Variants in ARL13B observed in about 807,000 individuals in gnomAD.
ARL13B encodes ADP-ribosylation factor-like protein 13B.
A neutral mutation model predicts 56.1 loss-of-function variants in ARL13B; 36 were observed. The observed-to-expected ratio is 0.64, with a 90% CI of 0.49 to 0.85. ARL13B has a LOEUF of 0.85. Ranked by LOEUF, ARL13B falls within the 40% of genes least tolerant of loss-of-function variation. The pLI is 0.00. For missense variants in ARL13B, 519 were observed against 507.1 expected (o/e 1.02, Z -0.23); for synonymous variants, 178 against 171.1 (o/e 1.04, Z -0.32).
intron 8 of ARL13B, 29 bp from the exon 9 acceptor site, chr3:94,050,795 G>T: frequency 6.3e-7 from 1 of 1,599,542 alleles, no homozygotes. Context: ...GTTTAACAGT[G>T]TTTTTTAAAT....
At chr3:93,994,271 A>G (rs2075926981) in intron 1 of ARL13B, among the ~76,000 whole-genome samples, 1 of 152,026 alleles carries the variant, frequency 6.6e-6, no homozygotes, top group Non-Finnish European at 1.5e-5. Flanking sequence ...GTGTCTTTGC[A>G]GCAGCTGTTC....
chr3:94,028,320 C>T (rs1051277098), intron 3 of ARL13B: 14 of 152,158 alleles, frequency 9.2e-5, no homozygotes, highest in African/African-American at 3.4e-4. Flanking sequence ...AGATGTCAGT[C>T]TATGGATACC....
chr3:94,004,474 A>T (rs1163624149), intron 3 of ARL13B, among the ~76,000 whole-genome samples: 2 of 152,160 alleles, frequency 1.3e-5, no homozygotes, highest in African/African-American at 4.8e-5. Flanking sequence ...ACCAGCCCTC[A>T]TAGCATTTAT....
chr3:94,047,373 C>T (rs967521584), intron 7 of ARL13B, among the ~76,000 whole-genome samples: 1 of 152,068 alleles, frequency 6.6e-6, no homozygotes, highest in Non-Finnish European at 1.5e-5. Flanking sequence ...GGAAGTAGAC[C>T]TATTACAGTG....
At chr3:93,988,952 C>T (rs1559966777) in intron 1 of ARL13B, 3 of 293,608 alleles carry the variant, frequency 1.0e-5, no homozygotes, top group East Asian at 1.0e-4. Flanking sequence ...GGCATCTTGG[C>T]GGCAGGAGGG....
chr3:94,055,157 T>A lies in ARL13B; in HGVS notation c.*1894T>A, dbSNP rs1392033128. 2 of 368,684 alleles carry A rather than the reference T, an allele frequency of 5.4e-6. No individual in the cohort carries two copies. The highest frequency in any genetic ancestry group is 2.1e-5 in the African/African-American group (1 of 46,564). The allele number at this position is 368,684 out of a possible 1,614,324, so 22.8% of individuals were successfully genotyped here. A position where few individuals can be genotyped will look rare whatever the true frequency, so the allele number is the denominator to read the frequency against. On this transcript the variant is annotated 3_prime_UTR_variant, in exon 10 of 10. Coordinates refer to ENST00000394222, the MANE Select transcript of ARL13B (RefSeq NM_001174150.2). Reference sequence around the variant, plus strand: ...TTCCTTAAGCATTTTAAAAACATTTTAAAAAATGTTTTGTAAATCCAGGTG... The same window carrying A: ...TTCCTTAAGCATTTTAAAAACATTTAAAAAAATGTTTTGTAAATCCAGGTG...
In ARL13B at chr3:94,025,513, A is replaced by G. The variant is rs568724866; in HGVS notation, c.381-9818A>G. ...AGGTTATTTCTAGTTTCTTAGGAGT[A>G]AATTCCTATGTTTGCTGTGGCCACG... On this transcript the variant is annotated intron_variant, in intron 3 of 9. Transcript: ENST00000394222. Among the ~76,000 whole-genome samples the G allele has an allele frequency of 3.9e-5, 6 of 152,338 alleles. No homozygotes were observed. The South Asian group carries it at 1.2e-3, about 32-fold the overall frequency.
Position 94,000,581 on chromosome 3 carries a change from C to G in ARL13B, c.131-3078C>G, listed in dbSNP as rs144541214. On this transcript the variant is annotated intron_variant, in intron 2 of 9. Transcript: ENST00000394222. ...AAAAAACAAAAAAATTATAGTTACT[C>G]ATATATATATTTATGTTTCATATGT... 5.0e-3 allele frequency among the ~76,000 whole-genome samples: 756 copies of G among 151,114 alleles called. 6 individuals are homozygous for G. Among genetic ancestry groups the G allele is most frequent in the African/African-American group, 0.018 (722 of 41,246 alleles).
chr3:93,982,924 A>G (rs1233538501), intron 1 of ARL13B, among the ~76,000 whole-genome samples: 1 of 152,106 alleles, frequency 6.6e-6, no homozygotes, highest in Admixed American at 6.5e-5. Context: ...TAAAAACAAA[A>G]TTTTGTGCTT....
chr3:94,045,503 A>G (rs1407504970), intron 7 of ARL13B, among the ~76,000 whole-genome samples: 1 of 151,870 alleles, frequency 6.6e-6, no homozygotes, highest in Non-Finnish European at 1.5e-5. Flanking sequence ...AGAGCCCCCA[A>G]CTGATCTGTA....
intron 3 of ARL13B, among the ~76,000 whole-genome samples, chr3:94,005,876 G>A (rs938993006): frequency 2.0e-5 from 3 of 152,130 alleles, no homozygotes; most frequent in Non-Finnish European, 4.4e-5. Flanking sequence ...TAATAGTTGT[G>A]CATATGTGGA....
chr3:94,013,392 C>G (rs1168820305), intron 3 of ARL13B, among the ~76,000 whole-genome samples: 2 of 152,198 alleles, frequency 1.3e-5, no homozygotes, highest in African/African-American at 4.8e-5. Context: ...GACTGTATCT[C>G]TAGCTTATAG....
intron 6 of ARL13B, 46 bp downstream of exon 6, chr3:94,040,034 T>A: frequency 6.5e-7 from 1 of 1,545,380 alleles, no homozygotes; most frequent in Non-Finnish European, 8.9e-7. Flanking sequence ...AGTTATAAGT[T>A]GGAACTTGGA....
chr3:94,036,063 A>C (rs2076762389), intron 4 of ARL13B, among the ~76,000 whole-genome samples: 1 of 152,150 alleles, frequency 6.6e-6, no homozygotes, highest in Admixed American at 6.5e-5. Context: ...ACAGAATGAG[A>C]CACTGCCTCT....
intron 3 of ARL13B, chr3:94,028,270 CATT>C (rs1445601919): frequency 6.6e-6 from 1 of 152,150 alleles, no homozygotes; most frequent in Non-Finnish European, 1.5e-5. Flanking sequence ...AAGTAACCCT[CATT>C]ATTTGTTGAG....
At chr3:94,033,364 A>G (rs2107099828) in intron 3 of ARL13B, among the ~76,000 whole-genome samples, 1 of 151,986 alleles carries the variant, frequency 6.6e-6, no homozygotes, top group South Asian at 2.1e-4. Flanking sequence ...CTGCACTCAT[A>G]ATCCTTAAAT....
At chr3:93,985,381 A>AG (rs1710408984) in intron 1 of ARL13B, among the ~76,000 whole-genome samples, 1 of 152,168 alleles carries the variant, frequency 6.6e-6, no homozygotes, top group African/African-American at 2.4e-5. Context: ...AAATATAATG[A>AG]TCGAATATGC....
At chr3:94,034,450 T>C (rs2076732353) in intron 3 of ARL13B, among the ~76,000 whole-genome samples, 1 of 152,020 alleles carries the variant, frequency 6.6e-6, no homozygotes, top group African/African-American at 2.4e-5. Context: ...TGTTTTTCTG[T>C]AGAATATATT....
chr3:94,003,546 A>G, intron 2 of ARL13B, 113 bp from the exon 3 acceptor site: 1 of 1,196,146 alleles, frequency 8.4e-7, no homozygotes, highest in Non-Finnish European at 1.2e-6. Flanking sequence ...AATAATGTTT[A>G]TTGTGTCAGT....
Sources: allele counts gnomAD v4.1 joint callset (sites outside exome capture counted in the v4.1 genomes callset), GRCh38; gene constraint gnomAD v4.1.1; transcripts MANE v1.5; gene names NCBI Gene and HGNC (gene_info 2026-07-23, HGNC 2026-07-21).